The following URB1 variants were observed in gnomAD, a reference collection of about 807,000 sequenced individuals.
The protein encoded by URB1 is nucleolar pre-ribosomal-associated protein 1.
In URB1, 197 loss-of-function variants were observed where a neutral mutation model predicts 242.3. The observed-to-expected ratio is 0.81, with a 90% CI of 0.72 to 0.91. URB1 has a LOEUF of 0.91. Ranked by LOEUF, URB1 falls within the 40% of genes least tolerant of loss-of-function variation. The pLI is 0.00. For synonymous variants in URB1, 1,153 were observed against 1,201.8 expected (o/e 0.96, Z 0.84); for missense variants, 2,721 against 2,860.5 (o/e 0.95, Z 1.11).
chr21:32,328,773 T>G (rs115770392), intron 30 of URB1, among the ~76,000 whole-genome samples: 2,706 of 152,314 alleles, frequency 0.018, 88 homozygotes, highest in African/African-American at 0.061. Context: ...TCTCTGCTAC[T>G]CTATGAAAAT....
intron 23 of URB1, 90 bp from the exon 24 acceptor site, chr21:32,344,846 G>T: frequency 7.2e-7 from 1 of 1,380,516 alleles, no homozygotes; most frequent in Non-Finnish European, 9.6e-7. Flanking sequence ...AGCCATATGG[G>T]ATAGATGCTG....
At chr21:32,354,837 C>T (rs946496804) in intron 17 of URB1, 22 bp downstream of exon 17, 12 of 1,550,600 alleles carry the variant, frequency 7.7e-6, no homozygotes, top group Admixed American at 2.0e-5. Flanking sequence ...CTCTGAGCAG[C>T]GCAGAACAGA....
At chr21:32,323,684 T>C (rs2032794521) in intron 32 of URB1, among the ~76,000 whole-genome samples, 1 of 152,158 alleles carries the variant, frequency 6.6e-6, no homozygotes, top group African/African-American at 2.4e-5. Context: ...TTAGTGTGCG[T>C]GATCTAGGCC....
intron 14 of URB1, 85 bp downstream of exon 14, chr21:32,359,711 A>G: frequency 8.2e-7 from 1 of 1,219,072 alleles, no homozygotes; most frequent in Non-Finnish European, 1.1e-6. Flanking sequence ...TCAGGTTCTG[A>G]GCCAATTAGC....
chr21:32,388,512 C>T (rs2033606561), intron 1 of URB1, among the ~76,000 whole-genome samples: 2 of 152,244 alleles, frequency 1.3e-5, no homozygotes, highest in Admixed American at 1.3e-4. Context: ...GCAAGTGCAT[C>T]TGCTATGCCA....
chr21:32,389,613 C>G (rs2033617685), intron 1 of URB1, among the ~76,000 whole-genome samples: 1 of 152,194 alleles, frequency 6.6e-6, no homozygotes, highest in South Asian at 2.1e-4. Context: ...GGCCAGGGGA[C>G]AGACTGATGC....
Position 32,316,667 on chromosome 21 carries a change from C to T in URB1, c.6433G>A (p.Val2145Met), listed in dbSNP as rs372120737. Reference protein sequence around the residue: ...VVADLLKDSAVRSSIFRLYSR... With the variant: ...VVADLLKDSAMRSSIFRLYSR... ...TACAGCCTGAATATGCTGCTCCTCA[C>T]GGCACTGTCCTTAAGGAGGTCAGCC... The change falls in exon 38 of 39, where the codon GTG (valine) becomes ATG (methionine). Residue 2145 changes from valine to methionine, a missense_variant. Coordinates refer to ENST00000382751, the MANE Select transcript of URB1 (RefSeq NM_014825.3). 3.9e-5 allele frequency: 61 copies of T among 1,551,406 alleles called. No individual in the cohort carries two copies. Among genetic ancestry groups the T allele is most frequent in the African/African-American group, 3.4e-4 (25 of 73,180 alleles).
chr21:32,364,114 AC>A (rs981128323), intron 10 of URB1, among the ~76,000 whole-genome samples: 1 of 152,086 alleles, frequency 6.6e-6, no homozygotes, highest in Non-Finnish European at 1.5e-5. Flanking sequence ...CAAGCAACCC[AC>A]ATCACAGGCC....
intron 3 of URB1, among the ~76,000 whole-genome samples, chr21:32,383,809 T>C (rs975359622): frequency 5.9e-5 from 9 of 152,234 alleles, no homozygotes; most frequent in Non-Finnish European, 1.2e-4. Flanking sequence ...CATTTCTCTC[T>C]GGAGTGAGCC....
chr21:32,330,208 T>G (rs927572776), intron 30 of URB1, among the ~76,000 whole-genome samples: 2 of 150,356 alleles, frequency 1.3e-5, no homozygotes, highest in Non-Finnish European at 3.0e-5. Flanking sequence ...TTTTTTTTTT[T>G]TTTTTTTTTT....
chr21:32,312,051 A>G lies in URB1; in HGVS notation c.*2867T>C. On this transcript the variant is annotated 3_prime_UTR_variant, in exon 39 of 39. Transcript: ENST00000382751. Reference sequence around the variant, plus strand: ...AACTGGTGAAATCAAGCCAACCTGGACACATACGTTCCTCGTTCTTCTTAG... The same window carrying G: ...AACTGGTGAAATCAAGCCAACCTGGGCACATACGTTCCTCGTTCTTCTTAG... The G allele has an allele frequency of 6.2e-7, 1 of 1,610,200 alleles. No homozygotes were observed. The highest frequency in any genetic ancestry group is 2.2e-5 in the East Asian group (1 of 44,874).
Position 32,319,738 on chromosome 21 carries a change from A to C in URB1, c.5595-324T>G, listed in dbSNP as rs112436321. On this transcript the variant is annotated intron_variant, in intron 35 of 38. Coordinates refer to ENST00000382751, the MANE Select transcript of URB1 (RefSeq NM_014825.3). ...GCTAATTGTGCCTTTTATAAACCTG[A>C]AACAGTCTTGAAGTTGATGTCCAAA... Among the ~76,000 whole-genome samples, 325 of 152,336 alleles carry C rather than the reference A, an allele frequency of 2.1e-3. 3 individuals are homozygous for C. The highest frequency in any genetic ancestry group is 7.4e-3 in the African/African-American group (309 of 41,578).
intron 35 of URB1, 28 bp downstream of exon 35, chr21:32,320,503 G>A (rs531646970): frequency 8.8e-6 from 13 of 1,474,130 alleles, no homozygotes; most frequent in South Asian, 8.6e-5. Context: ...CCCACCTGAC[G>A]CGCACCTCGC....
rs2032701258 is a variant in URB1, at chr21:32,317,139, G to A, written c.6035-74C>T. ...CACACAGATCCAGATGTGGGGAGGT[G>A]TCAATGGGGGACACGAGGGGCGGCT... On this transcript the variant is annotated intron_variant, in intron 37 of 38. Coordinates refer to ENST00000382751, the MANE Select transcript of URB1 (RefSeq NM_014825.3). The A allele has an allele frequency of 6.2e-6, 9 of 1,444,602 alleles. No homozygotes were observed. The Admixed American group carries it at 1.1e-4, about 18-fold the overall frequency. The allele number at this position is 1,444,602 out of a possible 1,614,324, so 89.5% of individuals were successfully genotyped here.
intron 2 of URB1, among the ~76,000 whole-genome samples, chr21:32,385,308 C>T (rs1458316058): frequency 6.6e-6 from 1 of 152,220 alleles, no homozygotes; most frequent in Non-Finnish European, 1.5e-5. Context: ...GATTAGGAAT[C>T]TATGATCCTT....
intron 19 of URB1, among the ~76,000 whole-genome samples, chr21:32,351,919 G>A (rs1315282401): frequency 6.6e-6 from 1 of 152,148 alleles, no homozygotes; most frequent in Non-Finnish European, 1.5e-5. Flanking sequence ...TCTGGGCCTC[G>A]GTTTCCCCAT....
chr21:32,390,131 T>C (rs1042636225), intron 1 of URB1, among the ~76,000 whole-genome samples: 3 of 152,178 alleles, frequency 2.0e-5, no homozygotes, highest in East Asian at 1.9e-4. Flanking sequence ...CTTTCACCCA[T>C]TGACTCAGCT....
At chr21:32,333,568 C>A (rs540214323) in intron 29 of URB1, 149 bp from the exon 30 acceptor site, 8 of 636,712 alleles carry the variant, frequency 1.3e-5, no homozygotes, top group Admixed American at 3.1e-5. Flanking sequence ...GGGATGGGAG[C>A]CAAGTTTAAA....
intron 10 of URB1, among the ~76,000 whole-genome samples, chr21:32,364,932 C>A (rs2033328903): frequency 6.6e-6 from 1 of 152,260 alleles, no homozygotes; most frequent in Non-Finnish European, 1.5e-5. Flanking sequence ...GTGGCCCTGG[C>A]CCTGGCCCTG....
Sources: allele counts gnomAD v4.1 joint callset (sites outside exome capture counted in the v4.1 genomes callset), GRCh38; gene constraint gnomAD v4.1.1; transcripts MANE v1.5; gene names NCBI Gene and HGNC (gene_info 2026-07-23, HGNC 2026-07-21).